The following PPM1L variants were observed in gnomAD, a reference collection of about 807,000 sequenced individuals.
PPM1L encodes the protein protein phosphatase 1L.
PPM1L carries 13 observed loss-of-function variants against 31.4 expected under a neutral mutation model. That is an observed-to-expected ratio of 0.41 (90% confidence interval 0.27 to 0.66). PPM1L has a LOEUF of 0.66. Among genes scored for constraint, PPM1L ranks in the 30% least tolerant of loss-of-function variants. The pLI, the probability that PPM1L is intolerant of heterozygous loss-of-function variation, is 0.29. For missense variants in PPM1L, 326 were observed against 453.7 expected, an observed-to-expected ratio of 0.72 and a Z score of 2.56; for synonymous variants, 184 against 175.4, an observed-to-expected ratio of 1.05 and a Z score of -0.39.
At chr3:160,780,084 G>C (rs1037162743) in intron 1 of PPM1L, among the ~76,000 whole-genome samples, 1 of 151,792 alleles carries the variant, frequency 6.6e-6, no homozygotes, top group South Asian at 2.1e-4. Context: ...GATAACAGTG[G>C]CATGATCACT....
intron 2 of PPM1L, among the ~76,000 whole-genome samples, chr3:161,024,804 C>T (rs753094248): frequency 1.3e-5 from 2 of 152,030 alleles, no homozygotes; most frequent in African/African-American, 2.4e-5. Flanking sequence ...CTTCAGAGTT[C>T]CAAACCTCCT....
At chr3:160,909,301 T>C (rs1458290418) in intron 1 of PPM1L, among the ~76,000 whole-genome samples, 1 of 152,216 alleles carries the variant, frequency 6.6e-6, no homozygotes, top group Non-Finnish European at 1.5e-5. Context: ...AGAACATAGA[T>C]ATAAGACATC....
Position 160,959,785 on chromosome 3 carries a change from A to T in PPM1L, c.400-1951A>T, listed in dbSNP as rs181037504. Among the ~76,000 whole-genome samples the T allele has an allele frequency of 4.8e-3, 725 of 152,294 alleles. 13 individuals carry two copies. Among genetic ancestry groups the T allele is most frequent in the African/African-American group, 0.016 (684 of 41,552 alleles). On this transcript the variant is annotated intron_variant, in intron 1 of 3. Coordinates refer to ENST00000498165, the MANE Select transcript of PPM1L (RefSeq NM_139245.4). ...GAGGTGGAGGTTGCAGTGAGCCGAGATCATGCCATTGCACTCCAGCCTGGG... is the reference window on the plus strand; with the variant it reads ...GAGGTGGAGGTTGCAGTGAGCCGAGTTCATGCCATTGCACTCCAGCCTGGG...
chr3:160,817,947 G>A (rs1404412846), intron 1 of PPM1L, among the ~76,000 whole-genome samples: 1 of 151,994 alleles, frequency 6.6e-6, no homozygotes, highest in Non-Finnish European at 1.5e-5. Flanking sequence ...GCTATGTGGA[G>A]CTGTTGGTTA....
At position 161,011,184 on chromosome 3, in the gene PPM1L, A is replaced by G. The variant is rs536826212; in HGVS notation, c.574+49274A>G. ...GTAAGTCTTTAATCCATCTTGAATT[A>G]ATTTTTGTATAAGGTGTAAGGAAGG... On this transcript the variant is annotated intron_variant, in intron 2 of 3. Transcript: ENST00000498165. 1.1e-3 allele frequency among the ~76,000 whole-genome samples: 166 copies of G among 152,226 alleles called. 1 individual carries two copies. The highest frequency in any genetic ancestry group is 3.8e-3 in the African/African-American group (158 of 41,516).
At chr3:160,940,574 A>G (rs181029010) in intron 1 of PPM1L, among the ~76,000 whole-genome samples, 2,224 of 152,278 alleles carry the variant, frequency 0.015, 54 homozygotes, top group African/African-American at 0.051. Flanking sequence ...GTGGCTTCGG[A>G]GGGTGGAAGC....
intron 2 of PPM1L, among the ~76,000 whole-genome samples, chr3:160,985,537 T>G (rs988036178): frequency 2.0e-5 from 3 of 152,216 alleles, no homozygotes; most frequent in African/African-American, 7.2e-5. Flanking sequence ...CTCATTCCCA[T>G]ATTGGAAGTT....
chr3:161,040,041 C>G (rs967452446), intron 2 of PPM1L, among the ~76,000 whole-genome samples: 1 of 152,148 alleles, frequency 6.6e-6, no homozygotes, highest in Admixed American at 6.5e-5. Flanking sequence ...GGGTATAAAT[C>G]TACTGGGTTT....
Position 160,951,351 on chromosome 3 carries a change from A to G in PPM1L, c.400-10385A>G, listed in dbSNP as rs1715572071. Among the ~76,000 whole-genome samples the G allele has an allele frequency of 2.0e-5, 3 of 152,202 alleles. No homozygotes were observed. The South Asian group carries it at 6.2e-4, about 31-fold the overall frequency. On this transcript the variant is annotated intron_variant, in intron 1 of 3. Transcript: ENST00000498165. ...GCAAAGAATTCATCATCACTGTGGCAGTAGGGAAGTAAGGTCAACTTTTTG... is the reference window on the plus strand; with the variant it reads ...GCAAAGAATTCATCATCACTGTGGCGGTAGGGAAGTAAGGTCAACTTTTTG...
chr3:160,804,957 G>C (rs1171592535), intron 1 of PPM1L, among the ~76,000 whole-genome samples: 1 of 152,150 alleles, frequency 6.6e-6, no homozygotes, highest in Non-Finnish European at 1.5e-5. Flanking sequence ...GTTTGAGGTG[G>C]GACTCAAATG....
chr3:161,021,797 A>G (rs1162871427), intron 2 of PPM1L, among the ~76,000 whole-genome samples: 3 of 151,812 alleles, frequency 2.0e-5, no homozygotes, highest in Non-Finnish European at 4.4e-5. Context: ...AATTTGTCTG[A>G]AGTATATTTT....
chr3:160,862,480 G>T (rs1452476020), intron 1 of PPM1L, among the ~76,000 whole-genome samples: 2 of 152,136 alleles, frequency 1.3e-5, no homozygotes, highest in Admixed American at 1.3e-4. Flanking sequence ...GTGCTGCGGG[G>T]ATGTGGAATA....
chr3:160,980,582 C>T (rs912356848), intron 2 of PPM1L, among the ~76,000 whole-genome samples: 35 of 149,852 alleles, frequency 2.3e-4, no homozygotes, highest in Admixed American at 4.6e-4. Context: ...GTGAGAGGAT[C>T]GCTTGAGCCC....
chr3:161,017,486 C>T (rs1034436450), intron 2 of PPM1L, among the ~76,000 whole-genome samples: 1 of 152,154 alleles, frequency 6.6e-6, no homozygotes, highest in Non-Finnish European at 1.5e-5. Flanking sequence ...GCTGAATAAA[C>T]TACCTACTTT....
chr3:160,986,154 G>A (rs1716957453), intron 2 of PPM1L, among the ~76,000 whole-genome samples: 1 of 152,214 alleles, frequency 6.6e-6, no homozygotes, highest in African/African-American at 2.4e-5. Flanking sequence ...GTCGAACTAT[G>A]GAAAGCATCC....
chr3:160,993,473 C>T (rs1717201516), intron 2 of PPM1L, among the ~76,000 whole-genome samples: 1 of 152,092 alleles, frequency 6.6e-6, no homozygotes, highest in Non-Finnish European at 1.5e-5. Context: ...GAAGTGGTCA[C>T]AAGGTGGTAA....
intron 1 of PPM1L, among the ~76,000 whole-genome samples, chr3:160,917,767 G>C (rs922993793): frequency 1.3e-5 from 2 of 152,262 alleles, no homozygotes; most frequent in Non-Finnish European, 1.5e-5. Flanking sequence ...GGACCGTTTA[G>C]TACATGTATG....
intron 1 of PPM1L, among the ~76,000 whole-genome samples, chr3:160,886,309 G>T (rs1189154910): frequency 6.6e-6 from 1 of 152,198 alleles, no homozygotes; most frequent in Non-Finnish European, 1.5e-5. Context: ...CAGCCCAGAT[G>T]AGTGGGTTTC....
At position 160,961,669 on chromosome 3, in the gene PPM1L, G is replaced by A. The variant is rs1403591599; in HGVS notation, c.400-67G>A. ...TTGAGCTTTCTCTATAGCACCTGAG[G>A]GTAAGTAAAAAGTCTAAGGGGAGAA... On this transcript the variant is annotated intron_variant, in intron 1 of 3. Coordinates refer to ENST00000498165, the MANE Select transcript of PPM1L (RefSeq NM_139245.4). 4.3e-6 allele frequency: 6 copies of A among 1,399,224 alleles called. No homozygotes were observed. In the African/African-American group the frequency reaches 7.5e-5, roughly 17 times the overall value. The allele number at this position is 1,399,224 out of a possible 1,614,324, so 86.7% of individuals were successfully genotyped here.
Sources: allele counts gnomAD v4.1 joint callset (sites outside exome capture counted in the v4.1 genomes callset), GRCh38; gene constraint gnomAD v4.1.1; transcripts MANE v1.5; gene names NCBI Gene and HGNC (gene_info 2026-07-23, HGNC 2026-07-21).